Variants in CDH13 observed in about 807,000 individuals in gnomAD.
The protein encoded by CDH13 is cadherin 13.
A neutral mutation model predicts 63.8 loss-of-function variants in CDH13; 24 were observed. The observed-to-expected ratio is 0.38, with a 90% confidence interval of 0.27 to 0.53. The LOEUF is 0.53. Ranked by LOEUF, CDH13 falls within the 20% of genes least tolerant of loss-of-function variation. CDH13 has a pLI of 0.85. For missense variants in CDH13, 1,049 were observed against 903.1 expected (o/e 1.16, Z -2.07); for synonymous variants, 503 against 355.3 (o/e 1.42, Z -4.67).
chr16:83,012,589 T>C (rs1478136394), intron 2 of CDH13, among the ~76,000 whole-genome samples: 11 of 152,156 alleles, frequency 7.2e-5, no homozygotes, highest in Admixed American at 6.6e-4. Flanking sequence ...TGACAAATCA[T>C]ATTAAAAGAT....
intron 7 of CDH13, among the ~76,000 whole-genome samples, chr16:83,584,429 A>G (rs1905948535): frequency 6.6e-6 from 1 of 152,182 alleles, no homozygotes; most frequent in Non-Finnish European, 1.5e-5. Context: ...ACGATGTAAT[A>G]TATGCTACAA....
At chr16:82,724,959 T>C (rs777168230) in intron 1 of CDH13, among the ~76,000 whole-genome samples, 5 of 152,216 alleles carry the variant, frequency 3.3e-5, no homozygotes, top group African/African-American at 4.8e-5. Flanking sequence ...AAGGGTAGTT[T>C]TAAAGATTAA....
intron 3 of CDH13, among the ~76,000 whole-genome samples, chr16:83,037,352 A>C (rs1325729911): frequency 1.3e-5 from 2 of 152,154 alleles, no homozygotes; most frequent in Non-Finnish European, 2.9e-5. Context: ...CTCTGCCTAA[A>C]TACCCATTCT....
In CDH13 at chr16:83,089,815, A is replaced by G. The variant is rs146138591; in HGVS notation, c.367-35570A>G. ...ACTTATATAGATGAGTGAATCTCAGATTTTCACGTGCATACAGATTACCTG... is the reference window on the plus strand; with the variant it reads ...ACTTATATAGATGAGTGAATCTCAGGTTTTCACGTGCATACAGATTACCTG... On this transcript the variant is annotated intron_variant, in intron 3 of 13. Transcript: ENST00000567109. Among the ~76,000 whole-genome samples, 182 of 152,262 alleles carry G rather than the reference A, an allele frequency of 1.2e-3. 1 individual carries two copies. Among genetic ancestry groups the G allele is most frequent in the South Asian group, 9.8e-3 (47 of 4,818 alleles).
At chr16:83,015,159 G>A (rs940481247) in intron 2 of CDH13, among the ~76,000 whole-genome samples, 3 of 151,706 alleles carry the variant, frequency 2.0e-5, no homozygotes, top group Admixed American at 1.3e-4. Flanking sequence ...GTGGCTAATC[G>A]GGGAAGTCAG....
chr16:82,968,556 C>T (rs1361330782), intron 2 of CDH13, among the ~76,000 whole-genome samples: 1 of 152,118 alleles, frequency 6.6e-6, no homozygotes, highest in East Asian at 1.9e-4. Flanking sequence ...TTTTTGGTTT[C>T]TCTCCACTTT....
At chr16:83,613,925 A>G (rs552103932) in intron 8 of CDH13, among the ~76,000 whole-genome samples, 6 of 152,282 alleles carry the variant, frequency 3.9e-5, no homozygotes, top group Non-Finnish European at 8.8e-5. Flanking sequence ...TTATCAGCTG[A>G]AATTCTACAT....
intron 10 of CDH13, among the ~76,000 whole-genome samples, chr16:83,744,281 A>T (rs1433450602): frequency 6.6e-6 from 1 of 152,170 alleles, no homozygotes; most frequent in Non-Finnish European, 1.5e-5. Context: ...AGACCTAGTG[A>T]GGTGATTAAT....
intron 1 of CDH13, among the ~76,000 whole-genome samples, chr16:82,668,344 G>A (rs1421941737): frequency 6.6e-6 from 1 of 152,136 alleles, no homozygotes; most frequent in Non-Finnish European, 1.5e-5. Context: ...ATAATTAAAG[G>A]GTGCCTAGGA....
chr16:83,235,796 C>T (rs1398486150), intron 5 of CDH13, among the ~76,000 whole-genome samples: 1 of 152,136 alleles, frequency 6.6e-6, no homozygotes, highest in Non-Finnish European at 1.5e-5. Flanking sequence ...AGTGTTAATA[C>T]ATAGACTGAG....
chr16:82,779,741 G>A (rs568291599), intron 1 of CDH13, among the ~76,000 whole-genome samples: 84 of 152,308 alleles, frequency 5.5e-4, no homozygotes, highest in African/African-American at 1.9e-3. Flanking sequence ...GCTTAAGTGT[G>A]TCTGTGCTGT....
In CDH13 at chr16:82,733,589, C is replaced by T. The variant is rs147760533; in HGVS notation, c.45+106452C>T. On this transcript the variant is annotated intron_variant, in intron 1 of 13. Coordinates refer to ENST00000567109, the MANE Select transcript of CDH13 (RefSeq NM_001257.5). ...TTGATCCTATGAGACATTCAACATTCCATCTTCATCTTACAAATGAGAAAA... is the reference window on the plus strand; with the variant it reads ...TTGATCCTATGAGACATTCAACATTTCATCTTCATCTTACAAATGAGAAAA... Among the ~76,000 whole-genome samples, 178 of 152,202 alleles carry T rather than the reference C, an allele frequency of 1.2e-3. 1 individual carries two copies. The highest frequency in any genetic ancestry group is 4.2e-3 in the African/African-American group (175 of 41,538).
chr16:83,475,116 G>T (rs564026783), intron 6 of CDH13, among the ~76,000 whole-genome samples: 100 of 152,340 alleles, frequency 6.6e-4, no homozygotes, highest in African/African-American at 2.3e-3. Context: ...AGGGTCCCTT[G>T]TTCAACAACA....
intron 6 of CDH13, among the ~76,000 whole-genome samples, chr16:83,387,503 C>T (rs958748602): frequency 1.3e-5 from 2 of 152,170 alleles, no homozygotes; most frequent in Non-Finnish European, 2.9e-5. Flanking sequence ...GATTGTCATC[C>T]TGGACAGTTA....
chr16:83,126,677 G>A (rs996658959), intron 4 of CDH13, among the ~76,000 whole-genome samples: 1 of 152,182 alleles, frequency 6.6e-6, no homozygotes, highest in Non-Finnish European at 1.5e-5. Flanking sequence ...GAAATTAAAC[G>A]TTTGAAAAGG....
chr16:82,806,028 G>A (rs190445057), intron 1 of CDH13, among the ~76,000 whole-genome samples: 12 of 152,310 alleles, frequency 7.9e-5, no homozygotes, highest in Middle Eastern at 3.4e-3. Context: ...GCACATGGCA[G>A]GTGGGAGGCA....
chr16:83,118,543 T>C (rs4783324), intron 3 of CDH13, among the ~76,000 whole-genome samples: 131,863 of 152,208 alleles, frequency 0.87, 57,384 homozygotes, highest in Non-Finnish European at 0.92. Context: ...CCTTAGGCCA[T>C]CCACAGCCGA....
chr16:82,823,274 T>A (rs2038089583), intron 1 of CDH13: 1 of 152,056 alleles, frequency 6.6e-6, no homozygotes, highest in South Asian at 2.1e-4. Flanking sequence ...GGACTTTACC[T>A]CCTAGTGAGA....
chr16:83,236,665 C>A (rs2040154055), intron 5 of CDH13, among the ~76,000 whole-genome samples: 2 of 151,944 alleles, frequency 1.3e-5, no homozygotes, highest in Admixed American at 1.3e-4. Flanking sequence ...CCCACTTCTG[C>A]TTGTTTCAGC....
Sources: gnomAD v4.1 joint callset for allele counts (sites outside exome capture counted in the v4.1 genomes callset) on GRCh38, gnomAD v4.1.1 for gene constraint, MANE v1.5 for transcripts, NCBI Gene and HGNC (gene_info 2026-07-23, HGNC 2026-07-21) for gene names.